The following LCN15 variants were observed in gnomAD, a reference collection of about 807,000 sequenced individuals.
LCN15 encodes the protein lipocalin-15.
LCN15 carries 26 observed loss-of-function variants against 23.1 expected under a neutral mutation model. The ratio of observed to expected loss-of-function variants is 1.13; its 90% CI spans 0.82 to 1.56. LCN15 has a LOEUF of 1.56. Among genes scored for constraint, LCN15 ranks in the 40% most tolerant of loss-of-function variants. The pLI, the probability that LCN15 is intolerant of heterozygous loss-of-function variation, is 0.00. For synonymous variants in LCN15, 107 were observed against 98.3 expected, an observed-to-expected ratio of 1.09 and a Z score of -0.52; for missense variants, 241 against 239.5, an observed-to-expected ratio of 1.01 and a Z score of -0.04.
intron 6 of LCN15, among the ~76,000 whole-genome samples, chr9:136,760,597 C>A (rs924053180): frequency 1.3e-5 from 2 of 152,228 alleles, no homozygotes; most frequent in Non-Finnish European, 2.9e-5. Context: ...AGATTCTTGG[C>A]GGTGAGCCCC....
At position 136,761,926 on chromosome 9, in the gene LCN15, G is replaced by T; in HGVS notation, c.521-73C>A. Reference sequence around the variant, plus strand: ...TCGCTTCCCGCAGCCCCCAACCCCTGGGTGCCAAGGGCCACTGGACAGCTC... The same window carrying T: ...TCGCTTCCCGCAGCCCCCAACCCCTTGGTGCCAAGGGCCACTGGACAGCTC... On this transcript the variant is annotated intron_variant, in intron 5 of 6. Coordinates refer to ENST00000316144, the MANE Select transcript of LCN15 (RefSeq NM_203347.2). The surrounding 1 kb of genome is among the most constrained non-coding windows in gnomAD (Gnocchi z 4.2). 1 of 1,204,396 alleles carries T rather than the reference G, an allele frequency of 8.3e-7. No homozygotes were observed. The highest frequency in any genetic ancestry group is 1.1e-6 in the Non-Finnish European group (1 of 926,114). The allele number at this position is 1,204,396 out of a possible 1,614,324, so 74.6% of individuals were successfully genotyped here.
chr9:136,764,075 C>A, intron 1 of LCN15, 66 bp from the exon 2 acceptor site: 1 of 1,581,748 alleles, frequency 6.3e-7, no homozygotes, highest in Non-Finnish European at 8.6e-7. Context: ...GCCCAGGGAC[C>A]CAGGGGACAA....
chr9:136,763,837 C>A lies in LCN15; in HGVS notation c.236+33G>T, dbSNP rs758240318. 7 of 1,613,184 alleles carry A rather than the reference C, an allele frequency of 4.3e-6. No homozygotes were observed. The South Asian group carries it at 6.6e-5, about 15-fold the overall frequency. On this transcript the variant is annotated intron_variant, in intron 2 of 6. Transcript: ENST00000316144. ...GCACCCAGCTACCTCAGCTCCCCAG[C>A]CCAGCCCAGGCAGCCCAGCCCAAGT...
rs758078770 is a variant in LCN15 at position 136,763,914 on chromosome 9, C to A, written c.192G>T (p.Arg64Ser). Reference protein sequence around the residue: ...DHLSMSTRAIRPTEEGGLHVH... With the variant: ...DHLSMSTRAISPTEEGGLHVH... ...CGTGGAGGCCGCCCTCCTCTGTGGG[C>A]CTGATGGCCCTGGTGGACATGGACA... The change falls in exon 2 of 7, where the codon AGG becomes AGT. Residue 64 changes from arginine (R) to serine (S), a missense_variant. Arg to Ser is a moderately radical substitution (Grantham distance 110, BLOSUM62 -1). Transcript: ENST00000316144. 6.2e-7 allele frequency: 1 copy of A among 1,613,564 alleles called. No homozygotes were observed. The highest frequency in any genetic ancestry group is 1.3e-5 in the African/African-American group (1 of 74,914).
In LCN15 at chr9:136,763,757, G is replaced by A; in HGVS notation, c.263C>T (p.Ala88Val). The A allele has an allele frequency of 6.2e-7, 1 of 1,613,434 alleles. No individual in the cohort carries two copies. The highest frequency in any genetic ancestry group is 1.7e-5 in the Admixed American group (1 of 60,010). The change falls in exon 3 of 7, where the codon GCC (alanine) becomes GTC (valine). Residue 88 changes from alanine (A) to valine (V), a missense_variant. Physicochemically the swap from Ala to Val is moderately conservative, Grantham distance 64 (BLOSUM62 0). Transcript: ENST00000316144. ...CTCGGAGCCCACCTTCAGGTACTCG[G>A]CATCCACCTGGTTACAGCCGTCCGC... is the stretch of plus-strand genomic sequence containing the variant. ...PGADGCNQVD[A>V]EYLKVGSEGH... is the part of the protein sequence containing the mutation.
chr9:136,760,053 C>T (rs938840647), intron 6 of LCN15, among the ~76,000 whole-genome samples: 1 of 152,234 alleles, frequency 6.6e-6, no homozygotes, highest in Non-Finnish European at 1.5e-5. Flanking sequence ...CAGTCCCTGG[C>T]TGAGTGGCAG....
rs1187369959 is a variant in LCN15 at position 136,761,480 on chromosome 9, C to T, written c.*32+307G>A. 6.6e-6 allele frequency among the ~76,000 whole-genome samples: 1 copy of T among 152,176 alleles called. No individual in the cohort carries two copies. The highest frequency in any genetic ancestry group is 1.5e-5 in the Non-Finnish European group (1 of 68,032). ...TTCTCCATGTTGGTCAGGCTGGTCT[C>T]GAACTCCCAACCTCAGGTGACCCGC... On this transcript the variant is annotated intron_variant, in intron 6 of 6. Coordinates refer to ENST00000316144, the MANE Select transcript of LCN15 (RefSeq NM_203347.2). This position sits in a 1 kb window ranked among gnomAD's most constrained non-coding sequence, Gnocchi z 4.2.
At position 136,762,304 on chromosome 9, in the gene LCN15, G is replaced by A. The variant is rs1049758398; in HGVS notation, c.419-15C>T. ...CTGGGTCCGGCCTGGGCAGAGCAGA[G>A]GTCACTGTGAACTCAGCAGCTCACA... On this transcript the variant is annotated splice_polypyrimidine_tract_variant and intron_variant, in intron 4 of 6. Coordinates refer to ENST00000316144, the MANE Select transcript of LCN15 (RefSeq NM_203347.2). 6.1e-6 allele frequency: 9 copies of A among 1,474,614 alleles called. No individual in the cohort carries two copies. The East Asian group carries it at 1.9e-4, about 31-fold the overall frequency. 91.3% of individuals were successfully genotyped at this position (1,474,614 alleles called of 1,614,324 possible).
intron 3 of LCN15, 48 bp from the exon 4 acceptor site, chr9:136,763,515 C>T (rs888748253): frequency 1.7e-5 from 23 of 1,368,846 alleles, no homozygotes; most frequent in African/African-American, 1.6e-4. Context: ...TGGATGGGCC[C>T]GGGCACCGAC....
At position 136,762,187 on chromosome 9, in the gene LCN15, C is replaced by A; in HGVS notation, c.520+1G>T. The A allele has an allele frequency of 2.6e-6, 4 of 1,568,140 alleles. No individual in the cohort carries two copies. Among genetic ancestry groups the A allele is most frequent in the Non-Finnish European group, 3.5e-6 (4 of 1,158,232 alleles). The stretch of plus-strand genomic sequence containing the variant: ...GGGGTGGGCGGGGCTTGCCAGGGTA[C>A]CTGACTGGGGCAGCATGACCATCAT... On this transcript the variant is annotated splice_donor_variant, in intron 5 of 6. Transcript: ENST00000316144. LOFTEE classifies it high-confidence loss of function.
At position 136,762,174 on chromosome 9, in the gene LCN15, G is replaced by T; in HGVS notation, c.520+14C>A. ...GGCTGGGGGGCATGGGGTGGGCGGGGCTTGCCAGGGTACCTGACTGGGGCA... is the reference window on the plus strand; with the variant it reads ...GGCTGGGGGGCATGGGGTGGGCGGGTCTTGCCAGGGTACCTGACTGGGGCA... On this transcript the variant is annotated intron_variant, in intron 5 of 6. Transcript: ENST00000316144. 1 of 1,461,014 alleles carries T rather than the reference G, an allele frequency of 6.8e-7. No homozygotes were observed. Among genetic ancestry groups the T allele is most frequent in the Non-Finnish European group, 9.3e-7 (1 of 1,073,922 alleles). The allele number at this position is 1,461,014 out of a possible 1,614,324, so 90.5% of individuals were successfully genotyped here.
rs921074480 is a variant in LCN15 at position 136,761,104 on chromosome 9, A to C, written c.*32+683T>G. Among the ~76,000 whole-genome samples the C allele has an allele frequency of 5.3e-5, 8 of 152,034 alleles. No homozygotes were observed. The highest frequency in any genetic ancestry group is 1.7e-4 in the African/African-American group (7 of 41,398). ...AGGCGGAGACAGGGCTGATGCTTCC[A>C]CAGGCCAAGAAATGCCCAGGACAAG... is the stretch of plus-strand genomic sequence containing the variant. On this transcript the variant is annotated intron_variant, in intron 6 of 6. Coordinates refer to ENST00000316144, the MANE Select transcript of LCN15 (RefSeq NM_203347.2). The surrounding 1 kb of genome is among the most constrained non-coding windows in gnomAD (Gnocchi z 4.2).
Position 136,764,453 on chromosome 9 carries a change from C to A in LCN15, c.36G>T (p.Leu12=). ...CAGCCTGAGCCGTGGGCGCCCAGAGCAGGGTCAGGATTGCGCCGAGCAGGA... is the reference window on the plus strand; with the variant it reads ...CAGCCTGAGCCGTGGGCGCCCAGAGAAGGGTCAGGATTGCGCCGAGCAGGA... ...MSFLLGAILT[L]LWAPTAQAEV... is the part of the protein sequence containing the mutation. Residue 12 remains leucine (L), a synonymous_variant, in exon 1 of 7, where the codon CTG becomes CTT. Transcript: ENST00000316144. 6.2e-7 allele frequency: 1 copy of A among 1,613,302 alleles called. No homozygotes were observed. Among genetic ancestry groups the A allele is most frequent in the Non-Finnish European group, 8.5e-7 (1 of 1,179,852 alleles).
rs965341260 is a variant in LCN15 at position 136,761,278 on chromosome 9, G to C, written c.*32+509C>G. On this transcript the variant is annotated intron_variant, in intron 6 of 6. Coordinates refer to ENST00000316144, the MANE Select transcript of LCN15 (RefSeq NM_203347.2). This position sits in a 1 kb window ranked among gnomAD's most constrained non-coding sequence, Gnocchi z 4.2. ...TCTGCTGGTTTTGTCTGTTTGTTTT[G>C]AGATGGAGTTTCTCTCTTGTCACCC... Among the ~76,000 whole-genome samples, 1 of 152,146 alleles carries C rather than the reference G, an allele frequency of 6.6e-6. No homozygotes were observed. The highest frequency in any genetic ancestry group is 2.4e-5 in the African/African-American group (1 of 41,426).
At chr9:136,763,047 C>G (rs1588313981) in intron 4 of LCN15, among the ~76,000 whole-genome samples, 2 of 151,830 alleles carry the variant, frequency 1.3e-5, no homozygotes, top group African/African-American at 4.8e-5. Flanking sequence ...GACCCTCCCC[C>G]AAGCCAACCT....
rs373629083 is a variant in LCN15, at chr9:136,763,873, G to A, written c.233C>T (p.Pro78Leu). ...EGGLHVHMEF[P>L]GADGCNQVDA... ...CAGCCCAGCCCAAGTAACTCACCCC[G>A]GGAACTCCATGTGGACGTGGAGGCC... The change falls in exon 2 of 7, where the codon CCG becomes CTG. Residue 78 changes from proline (P) to leucine (L), a missense_variant. Transcript: ENST00000316144. 700 of 1,613,508 alleles carry A rather than the reference G, an allele frequency of 4.3e-4. 1 individual carries two copies. Among genetic ancestry groups the A allele is most frequent in the Middle Eastern group, 6.6e-4 (4 of 6,062 alleles).
In LCN15 at chr9:136,761,826, G is replaced by A. The variant is rs559105743; in HGVS notation, c.548C>T (p.Ala183Val). 2.2e-4 allele frequency: 290 copies of A among 1,300,282 alleles called. No individual in the cohort carries two copies. The highest frequency in any genetic ancestry group is 6.0e-4 in the South Asian group (19 of 31,724). 80.5% of individuals were successfully genotyped at this position (1,300,282 alleles called of 1,614,324 possible). The stretch of plus-strand genomic sequence containing the variant: ...GGTGGGGCTCCGGAGGTGTCAGGGC[G>A]CCTCCTTGCTCTCAGGGTTGCATGC... ...SDACNPESKE[A>V]P The change falls in exon 6 of 7, where the codon GCG (alanine) becomes GTG (valine). Residue 183 changes from alanine to valine, a missense_variant. Coordinates refer to ENST00000316144, the MANE Select transcript of LCN15 (RefSeq NM_203347.2). This position sits in a 1 kb window ranked among gnomAD's most constrained non-coding sequence, Gnocchi z 4.2.
chr9:136,764,042 C>T (rs377273094), intron 1 of LCN15, 33 bp from the exon 2 acceptor site: 67 of 1,603,628 alleles, frequency 4.2e-5, no homozygotes, highest in Non-Finnish European at 5.6e-5. Context: ...CAGGCCAGGA[C>T]AGCCAGCAGC....
In LCN15 at chr9:136,764,066, C is replaced by G; in HGVS notation, c.97-57G>C. The G allele has an allele frequency of 1.0e-5, 16 of 1,586,900 alleles. No individual in the cohort carries two copies. In the South Asian group the frequency reaches 1.7e-4, roughly 17 times the overall value. On this transcript the variant is annotated intron_variant, in intron 1 of 6. Coordinates refer to ENST00000316144, the MANE Select transcript of LCN15 (RefSeq NM_203347.2). The stretch of plus-strand genomic sequence containing the variant: ...ACAGCCAGCAGCAGGGCCCTCCTTG[C>G]CCAGGGACCCAGGGGACAACTCAGA...
Sources: allele counts gnomAD v4.1 joint callset (sites outside exome capture counted in the v4.1 genomes callset), GRCh38; gene constraint gnomAD v4.1.1; non-coding constraint Gnocchi (gnomAD v3.1); transcripts MANE v1.5; gene names NCBI Gene and HGNC (gene_info 2026-07-23, HGNC 2026-07-21).